KAZN: variants seen among roughly 807,000 people sequenced by gnomAD.
KAZN encodes kazrin, periplakin interacting protein, also known as kazrin.
KAZN carries 40 observed loss-of-function variants against 87.4 expected under a neutral mutation model. That is an observed-to-expected ratio of 0.46 (90% CI 0.36 to 0.60). The LOEUF is 0.60. Among genes scored for constraint, KAZN ranks in the 20% least tolerant of loss-of-function variants. The pLI is 0.00. For synonymous variants in KAZN, 466 were observed against 458.3 expected, an observed-to-expected ratio of 1.02 and a Z score of -0.22; for missense variants, 898 against 1,073.9, an observed-to-expected ratio of 0.84 and a Z score of 2.29.
chr1:14,645,332 A>G (rs1680731956), intron 1 of KAZN, among the ~76,000 whole-genome samples: 2 of 152,122 alleles, frequency 1.3e-5, no homozygotes, highest in South Asian at 4.1e-4. Context: ...TTCTAGTTCT[A>G]TGAAGAATGT....
intron 2 of KAZN, among the ~76,000 whole-genome samples, chr1:14,564,548 G>A (rs896296964): frequency 1.3e-5 from 2 of 152,022 alleles, no homozygotes; most frequent in African/African-American, 4.8e-5. Context: ...GCTCATGCCT[G>A]TAATCCCAGC....
intron 1 of KAZN, among the ~76,000 whole-genome samples, chr1:14,895,435 A>G (rs1434760584): frequency 6.6e-6 from 1 of 152,182 alleles, no homozygotes; most frequent in Non-Finnish European, 1.5e-5. Context: ...CCCTCTCATT[A>G]ACAGCGGCCC....
intron 1 of KAZN, among the ~76,000 whole-genome samples, chr1:13,931,206 G>T (rs955801802): frequency 3.3e-5 from 5 of 152,220 alleles, no homozygotes; most frequent in African/African-American, 4.8e-5. Flanking sequence ...CTAAGGAAAT[G>T]ATAGTTTCTG....
chr1:15,013,103 T>G (rs545301876), intron 2 of KAZN, among the ~76,000 whole-genome samples: 1 of 152,310 alleles, frequency 6.6e-6, no homozygotes, highest in African/African-American at 2.4e-5. Flanking sequence ...CACGCCAGGT[T>G]TCCACAGGTG....
chr1:14,911,308 A>G (rs913654828), intron 1 of KAZN, among the ~76,000 whole-genome samples: 1 of 152,220 alleles, frequency 6.6e-6, no homozygotes, highest in Non-Finnish European at 1.5e-5. Context: ...GAATGTTTGT[A>G]GGATGATGAA....
Position 14,173,041 on chromosome 1 carries a change from C to T in KAZN, c.92-7394C>T, listed in dbSNP as rs189736273. Among the ~76,000 whole-genome samples, 604 of 152,264 alleles carry T rather than the reference C, an allele frequency of 4.0e-3. 1 individual carries two copies. The highest frequency in any genetic ancestry group is 6.1e-3 in the Non-Finnish European group (415 of 68,030). ...TGACCTAGCCTTAGAAATCCCAGGGCACCACTTCTGCCACTTACTGTGGGG... is the reference window on the plus strand; with the variant it reads ...TGACCTAGCCTTAGAAATCCCAGGGTACCACTTCTGCCACTTACTGTGGGG... On this transcript the variant is annotated intron_variant, in intron 1 of 16. Transcript: ENST00000636203.
intron 2 of KAZN, among the ~76,000 whole-genome samples, chr1:14,962,819 T>C (rs983943001): frequency 6.6e-6 from 1 of 152,074 alleles, no homozygotes; most frequent in Non-Finnish European, 1.5e-5. Flanking sequence ...AAACCTCCCT[T>C]AGTGGTTCCT....
intron 2 of KAZN, among the ~76,000 whole-genome samples, chr1:14,378,391 C>T (rs1046621350): frequency 6.6e-6 from 1 of 152,236 alleles, no homozygotes; most frequent in Non-Finnish European, 1.5e-5. Flanking sequence ...TAACAACTAT[C>T]TGCACGAAGA....
chr1:14,822,761 T>C (rs1019691490), intron 1 of KAZN, among the ~76,000 whole-genome samples: 1 of 152,122 alleles, frequency 6.6e-6, no homozygotes, highest in Non-Finnish European at 1.5e-5. Flanking sequence ...TCCTTCCCAC[T>C]CACCTCCATC....
chr1:14,705,413 G>A (rs1449498129), intron 1 of KAZN, among the ~76,000 whole-genome samples: 1 of 152,178 alleles, frequency 6.6e-6, no homozygotes, highest in Non-Finnish European at 1.5e-5. Flanking sequence ...GTATGATCCA[G>A]CAATCCTACT....
At chr1:14,590,899 C>T (rs1299918035) in intron 2 of KAZN, among the ~76,000 whole-genome samples, 3 of 152,172 alleles carry the variant, frequency 2.0e-5, no homozygotes, top group Non-Finnish European at 4.4e-5. Context: ...TAGTACGTGG[C>T]AGGGCTGGAC....
At chr1:14,027,508 C>T (rs1323174165) in intron 1 of KAZN, among the ~76,000 whole-genome samples, 2 of 152,072 alleles carry the variant, frequency 1.3e-5, no homozygotes, top group East Asian at 3.9e-4. Context: ...CTCCCAACAC[C>T]CATTAATTAA....
chr1:13,917,029 T>G (rs1465038133), intron 1 of KAZN, among the ~76,000 whole-genome samples: 1 of 151,288 alleles, frequency 6.6e-6, no homozygotes, highest in East Asian at 2.2e-4. Context: ...TTAGAAGAAT[T>G]CTCTGTATGC....
At chr1:14,823,161 G>C (rs888518889) in intron 1 of KAZN, among the ~76,000 whole-genome samples, 1 of 152,180 alleles carries the variant, frequency 6.6e-6, no homozygotes, top group Non-Finnish European at 1.5e-5. Context: ...AAGGCCCGTC[G>C]CCTCGGCCAC....
At chr1:14,095,995 A>G (rs915860535) in intron 1 of KAZN, among the ~76,000 whole-genome samples, 1 of 152,188 alleles carries the variant, frequency 6.6e-6, no homozygotes, top group Non-Finnish European at 1.5e-5. Flanking sequence ...ATGCATATCA[A>G]TCTGTTGAGT....
At chr1:14,651,734 G>A (rs565892919) in intron 1 of KAZN, among the ~76,000 whole-genome samples, 13 of 152,264 alleles carry the variant, frequency 8.5e-5, no homozygotes, top group African/African-American at 2.9e-4. Context: ...AAGATGAACC[G>A]TGTGAGCTCT....
chr1:14,217,422 A>G (rs796399044), intron 2 of KAZN, among the ~76,000 whole-genome samples: 6 of 152,274 alleles, frequency 3.9e-5, no homozygotes, highest in African/African-American at 1.4e-4. Context: ...GCTAAAAAAA[A>G]AACCTAAGAA....
intron 1 of KAZN, among the ~76,000 whole-genome samples, chr1:14,750,060 T>C (rs940760714): frequency 1.3e-5 from 2 of 152,128 alleles, no homozygotes; most frequent in Non-Finnish European, 2.9e-5. Context: ...TCTGAGATAC[T>C]CCACCAATGT....
intron 1 of KAZN, among the ~76,000 whole-genome samples, chr1:14,675,613 C>T (rs1308742746): frequency 6.6e-6 from 1 of 152,110 alleles, no homozygotes; most frequent in East Asian, 1.9e-4. Flanking sequence ...CCTGTTTTCT[C>T]TTTTTTGGCA....
Sources: gnomAD v4.1 joint callset for allele counts (sites outside exome capture counted in the v4.1 genomes callset) on GRCh38, gnomAD v4.1.1 for gene constraint, MANE v1.5 for transcripts, NCBI Gene and HGNC (gene_info 2026-07-23, HGNC 2026-07-21) for gene names.